Variants in UPF2 observed in about 807,000 individuals in gnomAD.
UPF2 encodes the protein regulator of nonsense transcripts 2.
In UPF2, 17 loss-of-function variants were observed where a neutral mutation model predicts 141.4. The observed-to-expected ratio is 0.12, with a 90% CI of 0.08 to 0.18. The LOEUF (loss-of-function observed/expected upper bound fraction) is 0.18. UPF2 is among the 10% of genes least tolerant of loss of function. UPF2 has a pLI of 1.00. For synonymous variants in UPF2, 540 were observed against 498.0 expected, an observed-to-expected ratio of 1.08 and a Z score of -1.12; for missense variants, 1,152 against 1,515.9, an observed-to-expected ratio of 0.76 and a Z score of 3.99.
intron 4 of UPF2, among the ~76,000 whole-genome samples, chr10:12,008,543 T>A (rs1834074108): frequency 6.9e-6 from 1 of 144,094 alleles, no homozygotes; most frequent in Admixed American, 7.4e-5. Flanking sequence ...GGCAGGAGAA[T>A]CGCTTGAACC....
intron 6 of UPF2, among the ~76,000 whole-genome samples, chr10:12,000,731 G>A (rs532156013): frequency 2.6e-5 from 4 of 152,216 alleles, no homozygotes; most frequent in East Asian, 1.9e-4. Context: ...ACTTGAGCTC[G>A]GGAGTTTGAG....
chr10:11,952,469 CTTTTTTTTTTTT>C (rs869201076), intron 14 of UPF2, among the ~76,000 whole-genome samples: 1 of 97,740 alleles, frequency 1.0e-5, no homozygotes, highest in Admixed American at 1.4e-4. Context: ...TACTAAATAT[CTTTTTTTTTTTT>C]TTTTTTTTTT....
Position 12,031,905 on chromosome 10 carries a change from G to A in UPF2, c.366-2381C>T, listed in dbSNP as rs569711347. 6.6e-5 allele frequency among the ~76,000 whole-genome samples: 10 copies of A among 152,250 alleles called. 1 individual carries two copies. In the East Asian group the frequency reaches 1.5e-3, roughly 23 times the overall value. On this transcript the variant is annotated intron_variant, in intron 2 of 21. Transcript: ENST00000357604. ...GCTACAATATATTAACAGAAAGGTG[G>A]CCTCTATCACTGAGAACATGGACAG...
intron 4 of UPF2, among the ~76,000 whole-genome samples, chr10:12,012,527 C>G (rs1834146116): frequency 6.6e-6 from 1 of 152,178 alleles, no homozygotes; most frequent in Admixed American, 6.5e-5. Flanking sequence ...CGCCTGTTAT[C>G]TCAGCACATT....
intron 16 of UPF2, among the ~76,000 whole-genome samples, chr10:11,944,476 A>G (rs1215175395): frequency 6.6e-6 from 1 of 152,216 alleles, no homozygotes; most frequent in East Asian, 1.9e-4. Context: ...CCTGGGTGAC[A>G]GAGCGAGACT....
chr10:12,040,924 A>G (rs1277924848), intron 1 of UPF2, among the ~76,000 whole-genome samples: 1 of 152,194 alleles, frequency 6.6e-6, no homozygotes, highest in Admixed American at 6.6e-5. Flanking sequence ...AGACTATTAG[A>G]TTTTATCTAC....
intron 3 of UPF2, among the ~76,000 whole-genome samples, chr10:12,018,353 C>A (rs561094554): frequency 1.1e-4 from 16 of 151,976 alleles, no homozygotes; most frequent in Admixed American, 2.6e-4. Flanking sequence ...GAGGCTGAGG[C>A]GGGTGGACCA....
intron 9 of UPF2, among the ~76,000 whole-genome samples, chr10:11,972,866 C>A (rs1190654941): frequency 6.6e-6 from 1 of 151,406 alleles, no homozygotes; most frequent in Admixed American, 6.6e-5. Flanking sequence ...GTCTTTATAG[C>A]AGCATGATTT....
chr10:12,031,521 A>T (rs1359551854), intron 2 of UPF2, among the ~76,000 whole-genome samples: 1 of 152,240 alleles, frequency 6.6e-6, no homozygotes, highest in East Asian at 1.9e-4. Flanking sequence ...AACAAAACAC[A>T]TAACTTAAAT....
At chr10:12,000,107 C>T in intron 6 of UPF2, 98 bp from the exon 7 acceptor site, 8 of 993,716 alleles carry the variant, frequency 8.1e-6, no homozygotes, top group Non-Finnish European at 8.9e-6. Flanking sequence ...TAATCTAGAC[C>T]AATTTTTGTG....
At chr10:12,006,425 T>C (rs186606733) in intron 4 of UPF2, among the ~76,000 whole-genome samples, 91 of 152,174 alleles carry the variant, frequency 6.0e-4, no homozygotes, top group African/African-American at 2.1e-3. Context: ...GAATTATAAA[T>C]AGATTATGTA....
intron 8 of UPF2, among the ~76,000 whole-genome samples, chr10:11,983,521 T>G (rs1411078586): frequency 6.6e-6 from 1 of 151,910 alleles, no homozygotes; most frequent in Non-Finnish European, 1.5e-5. Context: ...TACCAGCGCG[T>G]GCTATCATGC....
intron 21 of UPF2, among the ~76,000 whole-genome samples, chr10:11,927,105 C>A (rs574874642): frequency 6.6e-6 from 1 of 152,200 alleles, no homozygotes; most frequent in East Asian, 1.9e-4. Context: ...GGACCACAAC[C>A]GTGCAGGTAA....
chr10:11,977,614 G>A (rs17557523), intron 9 of UPF2, among the ~76,000 whole-genome samples: 9,354 of 152,200 alleles, frequency 0.061, 375 homozygotes, highest in Non-Finnish European at 0.092. Flanking sequence ...GCATATAACC[G>A]ATATAATAAC....
chr10:11,938,853 G>GTTTTGTTTT (rs1832889729), intron 18 of UPF2, among the ~76,000 whole-genome samples: 2 of 79,832 alleles, frequency 2.5e-5, no homozygotes, highest in Non-Finnish European at 2.3e-5. Flanking sequence ...TTTTTTTTTT[G>GTTTTGTTTT]TTTTTTTTTT....
chr10:12,013,443 A>G (rs1421355557), intron 4 of UPF2, among the ~76,000 whole-genome samples: 1 of 151,682 alleles, frequency 6.6e-6, no homozygotes, highest in Non-Finnish European at 1.5e-5. Context: ...CACCCAGCTA[A>G]TTTTTGTATT....
intron 15 of UPF2, among the ~76,000 whole-genome samples, chr10:11,950,022 A>T (rs1037099857): frequency 2.6e-5 from 4 of 152,150 alleles, no homozygotes. Context: ...TTCATAATGT[A>T]TTAAGTAGAA....
intron 9 of UPF2, among the ~76,000 whole-genome samples, chr10:11,974,070 G>A (rs970802772): frequency 2.0e-5 from 3 of 152,154 alleles, no homozygotes; most frequent in Non-Finnish European, 4.4e-5. Context: ...GCAGTGGTTT[G>A]TACTTCTCCT....
chr10:12,027,642 A>G (rs1432309984), intron 3 of UPF2, among the ~76,000 whole-genome samples: 1 of 152,190 alleles, frequency 6.6e-6, no homozygotes, highest in Non-Finnish European at 1.5e-5. Flanking sequence ...CTTTTTCCTA[A>G]AAGAACTATT....
Sources: gnomAD v4.1 joint callset for allele counts (sites outside exome capture counted in the v4.1 genomes callset) on GRCh38, gnomAD v4.1.1 for gene constraint, MANE v1.5 for transcripts, NCBI Gene and HGNC (gene_info 2026-07-23, HGNC 2026-07-21) for gene names.